KLF8: variants seen among roughly 807,000 people sequenced by gnomAD.
KLF8 encodes KLF transcription factor 8.
Under a neutral mutation model 18.2 loss-of-function variants are expected in KLF8, and 10 were observed. The observed-to-expected ratio is 0.55, with a 90% confidence interval of 0.34 to 0.93. KLF8 has a LOEUF of 0.93. KLF8 is among the 40% of genes least tolerant of loss of function. KLF8 has a pLI of 0.02. For missense variants in KLF8, 264 were observed against 277.9 expected, an observed-to-expected ratio of 0.95 and a Z score of 0.36; for synonymous variants, 109 against 97.3, an observed-to-expected ratio of 1.12 and a Z score of -0.71.
At chrX:56,063,930 T>C in the KLF8 span, among the ~76,000 whole-genome samples, 113 of 109,771 alleles carry the variant, frequency 1.0e-3, 1 homozygote, top group Non-Finnish European at 1.8e-3. Context: ...GTTCTAATAA[T>C]GGTGGATACT....
chrX:56,049,036 T>G, the KLF8 span, among the ~76,000 whole-genome samples: 1 of 111,766 alleles, frequency 8.9e-6, no homozygotes, highest in Admixed American at 9.5e-5. Context: ...CAATTTTGAA[T>G]GGGAGTTCAC....
the KLF8 span, among the ~76,000 whole-genome samples, chrX:56,135,385 G>A: frequency 2.7e-5 from 3 of 111,158 alleles, no homozygotes; most frequent in Non-Finnish European, 5.7e-5. Flanking sequence ...AAAATGATGA[G>A]TTCATGTCCT....
chrX:56,058,220 G>GTATA, the KLF8 span, among the ~76,000 whole-genome samples: 2 of 24,591 alleles, frequency 8.1e-5, no homozygotes, highest in African/African-American at 1.6e-4. Context: ...ATATATACGT[G>GTATA]TATATATATA....
At chrX:56,263,472 G>T (rs1156290096) in intron 2 of KLF8, among the ~76,000 whole-genome samples, 1 of 104,693 alleles carries the variant, frequency 9.6e-6, no homozygotes, top group Non-Finnish European at 2.0e-5. Flanking sequence ...CTCATTCCCA[G>T]CCTGCTCTGA....
chrX:56,193,303 C>G, the KLF8 span, among the ~76,000 whole-genome samples: 1 of 111,903 alleles, frequency 8.9e-6, no homozygotes, highest in African/African-American at 3.2e-5. Context: ...GGCTTTTATC[C>G]AAAACACAGA....
the KLF8 span, among the ~76,000 whole-genome samples, chrX:56,063,310 C>T: frequency 9.0e-6 from 1 of 111,450 alleles, no homozygotes; most frequent in Non-Finnish European, 1.9e-5. Context: ...AATTTATCTG[C>T]CTTTGGTCTT....
chrX:56,270,140 T>G, intron 4 of KLF8, 42 bp from the exon 5 acceptor site: 1 of 1,159,711 alleles, frequency 8.6e-7, no homozygotes, highest in South Asian at 2.0e-5. Context: ...TAGCCTTCAC[T>G]TTAAAGTCAC....
chrX:55,941,191 A>T, the KLF8 span, among the ~76,000 whole-genome samples: 1 of 111,907 alleles, frequency 8.9e-6, no homozygotes. Context: ...AATGTAACAG[A>T]ACAGAGCCCT....
At chrX:55,964,339 G>A in the KLF8 span, among the ~76,000 whole-genome samples, 1 of 112,191 alleles carries the variant, frequency 8.9e-6, no homozygotes, top group African/African-American at 3.2e-5. Flanking sequence ...ACTTTGGGAG[G>A]CCAAGACAGG....
chrX:56,098,383 A>T, the KLF8 span, among the ~76,000 whole-genome samples: 4 of 112,429 alleles, frequency 3.6e-5, no homozygotes, highest in African/African-American at 9.7e-5. Flanking sequence ...AACAAAAGGT[A>T]TATAAAAAGT....
chrX:55,953,105 G>T, the KLF8 span, among the ~76,000 whole-genome samples: 2 of 111,464 alleles, frequency 1.8e-5, no homozygotes, highest in African/African-American at 6.5e-5. Context: ...TAAGGTAGTT[G>T]TTCGAGTGTG....
chrX:56,180,955 A>G, the KLF8 span, among the ~76,000 whole-genome samples: 1 of 111,239 alleles, frequency 9.0e-6, no homozygotes, highest in Non-Finnish European at 1.9e-5. Context: ...TGGGGTGGAG[A>G]GTTCTGTATG....
chrX:56,047,999 G>T, the KLF8 span, among the ~76,000 whole-genome samples: 1 of 111,858 alleles, frequency 8.9e-6, no homozygotes, highest in Non-Finnish European at 1.9e-5. Flanking sequence ...GTTTTGATTT[G>T]CATTTCTCTG....
At chrX:55,950,141 TGCAGTGTTCCAGA>T in the KLF8 span, among the ~76,000 whole-genome samples, 166 of 111,522 alleles carry the variant, frequency 1.5e-3, no homozygotes, top group African/African-American at 5.3e-3. Context: ...TATGTCCTTC[TGCAGTGTTCCAGA>T]GGAACACTGC....
intron 5 of KLF8, among the ~76,000 whole-genome samples, chrX:56,272,684 G>T (rs889434374): frequency 2.7e-5 from 3 of 111,077 alleles, no homozygotes; most frequent in African/African-American, 9.8e-5. Flanking sequence ...AGGAAATAAC[G>T]TGGCATTTCT....
chrX:55,950,008 T>C, the KLF8 span, among the ~76,000 whole-genome samples: 1 of 111,317 alleles, frequency 9.0e-6, no homozygotes, highest in Non-Finnish European at 1.9e-5. Context: ...AAATGACAAC[T>C]GTCTCCAAAC....
the KLF8 span, among the ~76,000 whole-genome samples, chrX:55,995,634 A>C: frequency 6.3e-5 from 7 of 111,980 alleles, no homozygotes; most frequent in Admixed American, 5.7e-4. Flanking sequence ...CCCCTAATTT[A>C]TGAAGCTTAG....
the KLF8 span, among the ~76,000 whole-genome samples, chrX:56,070,193 T>C: frequency 9.3e-6 from 1 of 107,751 alleles, no homozygotes; most frequent in East Asian, 3.0e-4. Context: ...TTAGTGGGAG[T>C]TGAAAAAGAA....
chrX:56,105,108 G>A, the KLF8 span, among the ~76,000 whole-genome samples: 8 of 111,475 alleles, frequency 7.2e-5, no homozygotes, highest in Admixed American at 1.9e-4. Context: ...GTTCTTTTAC[G>A]TTTGCTGAGG....
Sources: allele counts gnomAD v4.1 joint callset (sites outside exome capture counted in the v4.1 genomes callset), GRCh38; gene constraint gnomAD v4.1.1; transcripts MANE v1.5; gene names NCBI Gene and HGNC (gene_info 2026-07-23, HGNC 2026-07-21).